Variants in CA1 observed in about 807,000 individuals in gnomAD.
CA1 encodes the protein carbonic anhydrase 1.
In CA1, 27 loss-of-function variants were observed where a neutral mutation model predicts 28.8. That is an observed-to-expected ratio of 0.94 (90% confidence interval 0.69 to 1.29). The LOEUF (loss-of-function observed/expected upper bound fraction) is 1.29. Among genes scored for constraint, CA1 ranks in the 50% most tolerant of loss-of-function variants. The probability of loss-of-function intolerance (pLI) is 0.00; values close to 1 mark genes in which losing one functional copy is unlikely to be tolerated. For synonymous variants in CA1, 121 were observed against 108.8 expected (o/e 1.11, Z -0.70); for missense variants, 335 against 310.5 (o/e 1.08, Z -0.59).
intron 1 of CA1, among the ~76,000 whole-genome samples, chr8:85,344,316 C>T (rs1210931010): frequency 8.4e-4 from 23 of 27,530 alleles, no homozygotes; most frequent in Admixed American, 7.9e-3. Flanking sequence ...ATATATTATA[C>T]AGTATATAAT....
chr8:85,348,078 C>A (rs1189125994), intron 1 of CA1, among the ~76,000 whole-genome samples: 4 of 152,060 alleles, frequency 2.6e-5, no homozygotes, highest in African/African-American at 9.7e-5. Context: ...TTTTAAAAAT[C>A]CTAAATGCTA....
In CA1 at chr8:85,359,041, G is replaced by A. The variant is rs78950471; in HGVS notation, c.-24-17382C>T. Among the ~76,000 whole-genome samples the A allele has an allele frequency of 1.4e-3, 220 of 152,322 alleles. 1 individual carries two copies. In the East Asian group the frequency reaches 0.033, roughly 23 times the overall value. ...AAACAGAGCCGAGGCATAGTGAGCAGGTGAAGGTAGTGTGAGATGGTTTAG... is the reference window on the plus strand; with the variant it reads ...AAACAGAGCCGAGGCATAGTGAGCAAGTGAAGGTAGTGTGAGATGGTTTAG... On this transcript the variant is annotated intron_variant, in intron 1 of 7. Coordinates refer to ENST00000523022, the MANE Select transcript of CA1 (RefSeq NM_001128831.4).
intron 1 of CA1, among the ~76,000 whole-genome samples, chr8:85,376,534 T>C (rs1236236702): frequency 3.3e-5 from 5 of 151,470 alleles, no homozygotes; most frequent in Admixed American, 6.6e-5. Context: ...TGGTGGCACA[T>C]GCCTGTAGTC....
intron 1 of CA1, chr8:85,342,937 G>A (rs1043305885): frequency 7.2e-5 from 11 of 152,030 alleles, no homozygotes; most frequent in African/African-American, 2.7e-4. Flanking sequence ...AGTGGGCTGT[G>A]GTCATGAACA....
At chr8:85,347,117 T>G (rs1278364217) in intron 1 of CA1, among the ~76,000 whole-genome samples, 1 of 152,224 alleles carries the variant, frequency 6.6e-6, no homozygotes, top group East Asian at 1.9e-4. Flanking sequence ...GTCTTCTTAC[T>G]CCTGAAATCA....
Position 85,333,589 on chromosome 8 carries a change from T to TAA in CA1, c.385_386insTT (p.Tyr129PhefsTer21). 1.2e-6 allele frequency: 2 copies of TAA among 1,612,500 alleles called. No homozygotes were observed. Among genetic ancestry groups the TAA allele is most frequent in the South Asian group, 2.2e-5 (2 of 91,048 alleles). On this transcript the variant is annotated frameshift_variant, in exon 5 of 8. Transcript: ENST00000523022. LOFTEE classifies it high-confidence loss of function. ...TGAGGCAGCTTCAGCAAGGCTGGAG[T>TAA]ACTTTGCAGAATTCCAGTGAGCTAC...
chr8:85,352,095 T>C (rs1809432346), intron 1 of CA1, among the ~76,000 whole-genome samples: 1 of 152,206 alleles, frequency 6.6e-6, no homozygotes, highest in Non-Finnish European at 1.5e-5. Context: ...TTGTAACTCA[T>C]AGTTGCATAT....
At chr8:85,355,644 T>C (rs900514504) in intron 1 of CA1, among the ~76,000 whole-genome samples, 4 of 149,752 alleles carry the variant, frequency 2.7e-5, no homozygotes, top group African/African-American at 9.7e-5. Flanking sequence ...CCAGGGATCC[T>C]CTTGTCTTGG....
chr8:85,363,316 G>T (rs1305881565), intron 1 of CA1, among the ~76,000 whole-genome samples: 3 of 152,214 alleles, frequency 2.0e-5, no homozygotes, highest in African/African-American at 7.2e-5. Context: ...AAATGCTGTT[G>T]AGGGCTCCGC....
intron 1 of CA1, among the ~76,000 whole-genome samples, chr8:85,353,781 A>T (rs920126675): frequency 3.3e-5 from 5 of 152,170 alleles, no homozygotes; most frequent in Non-Finnish European, 5.9e-5. Context: ...TTATAAACAA[A>T]GTTGAAATGA....
intron 1 of CA1, among the ~76,000 whole-genome samples, chr8:85,367,851 A>C (rs1810068538): frequency 6.6e-6 from 1 of 152,214 alleles, no homozygotes; most frequent in Non-Finnish European, 1.5e-5. Flanking sequence ...TATTATATAC[A>C]ATTTTTTGAA....
In CA1 at chr8:85,371,951, G is replaced by T. The variant is rs1810242467; in HGVS notation, c.-25+6095C>A. Among the ~76,000 whole-genome samples the T allele has an allele frequency of 1.3e-5, 2 of 152,088 alleles. 1 individual carries two copies. The highest frequency in any genetic ancestry group is 4.1e-4 in the South Asian group (2 of 4,820). ...CAAGTATATGTCAGGTCCTATGCTGGGTGTTGAGGACAGAAGATGAGTGAG... is the reference window on the plus strand; with the variant it reads ...CAAGTATATGTCAGGTCCTATGCTGTGTGTTGAGGACAGAAGATGAGTGAG... On this transcript the variant is annotated intron_variant, in intron 1 of 7. Coordinates refer to ENST00000523022, the MANE Select transcript of CA1 (RefSeq NM_001128831.4).
chr8:85,358,788 G>T (rs1396368052), intron 1 of CA1, among the ~76,000 whole-genome samples: 1 of 152,230 alleles, frequency 6.6e-6, no homozygotes, highest in African/African-American at 2.4e-5. Flanking sequence ...AGAAAGTCCT[G>T]CCTGGTCTGG....
intron 4 of CA1, among the ~76,000 whole-genome samples, chr8:85,334,166 T>C (rs1057402219): frequency 2.6e-5 from 4 of 152,246 alleles, no homozygotes; most frequent in Non-Finnish European, 5.9e-5. Flanking sequence ...TTGATATCTC[T>C]ACATGGATGT....
At chr8:85,348,533 C>T (rs1809289095) in intron 1 of CA1, among the ~76,000 whole-genome samples, 1 of 152,158 alleles carries the variant, frequency 6.6e-6, no homozygotes, top group African/African-American at 2.4e-5. Context: ...CGACTCATTA[C>T]TCAAGGGCAG....
intron 1 of CA1, among the ~76,000 whole-genome samples, chr8:85,366,165 C>CCT (rs35718625): frequency 1.6e-5 from 2 of 128,282 alleles, no homozygotes. Context: ...CTTTCTTCCC[C>CCT]TTTTTTTTTT....
chr8:85,327,859 T>G lies in CA1; in HGVS notation c.*701A>C, dbSNP rs933610007. 1.3e-5 allele frequency: 2 copies of G among 152,202 alleles called. No individual in the cohort carries two copies. The highest frequency in any genetic ancestry group is 4.8e-5 in the African/African-American group (2 of 41,464). The allele number at this position is 152,202 out of a possible 1,614,324, so 9.4% of individuals were successfully genotyped here. ...TGTGACTTTTCTTCCAATTTTAAAG[T>G]AAAGATTCTCCATGCAAACTAACTA... On this transcript the variant is annotated 3_prime_UTR_variant, in exon 8 of 8. Coordinates refer to ENST00000523022, the MANE Select transcript of CA1 (RefSeq NM_001128831.4).
chr8:85,376,195 G>T (rs887087595), intron 1 of CA1, among the ~76,000 whole-genome samples: 6 of 152,034 alleles, frequency 3.9e-5, no homozygotes, highest in Non-Finnish European at 8.8e-5. Context: ...GCCGGGTGTG[G>T]TAGCGCATAC....
At position 85,328,788 on chromosome 8, in the gene CA1, T is replaced by G. The variant is rs112209821; in HGVS notation, c.670-112A>C. 1,047 of 614,380 alleles carry G rather than the reference T, an allele frequency of 1.7e-3. 11 individuals carry two copies. In the African/African-American group the frequency reaches 0.017, roughly 10 times the overall value. The allele number at this position is 614,380 out of a possible 1,614,324, so 38.1% of individuals were successfully genotyped here. A position where few individuals can be genotyped will look rare whatever the true frequency, so the allele number is the denominator to read the frequency against. ...TAGAAAACTGAGTTAGAAATTGCAG[T>G]AATATCACTAATAGGAAGAGAGAAA... On this transcript the variant is annotated intron_variant, in intron 7 of 7. Transcript: ENST00000523022.
Sources: allele counts gnomAD v4.1 joint callset (sites outside exome capture counted in the v4.1 genomes callset), GRCh38; gene constraint gnomAD v4.1.1; transcripts MANE v1.5; gene names NCBI Gene and HGNC (gene_info 2026-07-23, HGNC 2026-07-21).